The following PLXND1 variants were observed in gnomAD, a reference collection of about 807,000 sequenced individuals.
PLXND1 encodes plexin D1.
PLXND1 carries 54 observed loss-of-function variants against 197.7 expected under a neutral mutation model. The observed-to-expected ratio is 0.27, with a 90% CI of 0.22 to 0.34. The LOEUF (loss-of-function observed/expected upper bound fraction) is 0.34. PLXND1 is among the 10% of genes least tolerant of loss of function. The pLI is 1.00. For synonymous variants in PLXND1, 1,180 were observed against 1,161.2 expected (o/e 1.02, Z -0.33); for missense variants, 2,127 against 2,699.2 (o/e 0.79, Z 4.70).
rs1311044465 is a variant in PLXND1 at position 129,571,322 on chromosome 3, G to A, written c.3337-19C>T. The stretch of plus-strand genomic sequence containing the variant: ...TGCAGAGCTGGTGCAGGAGAGCCAG[G>A]GGCCCAGGCCGGGATGCAGGATGGA... On this transcript the variant is annotated intron_variant, in intron 17 of 35. Coordinates refer to ENST00000324093, the MANE Select transcript of PLXND1 (RefSeq NM_015103.3). 6.2e-7 allele frequency: 1 copy of A among 1,606,390 alleles called. No individual in the cohort carries two copies. Among genetic ancestry groups the A allele is most frequent in the Non-Finnish European group, 8.5e-7 (1 of 1,176,312 alleles).
chr3:129,606,165 C>T lies in PLXND1; in HGVS notation c.475G>A (p.Val159Met). 1 of 1,533,778 alleles carries T rather than the reference C, an allele frequency of 6.5e-7. No homozygotes were observed. Among genetic ancestry groups the T allele is most frequent in the Non-Finnish European group, 8.7e-7 (1 of 1,146,996 alleles). The change falls in exon 1 of 36, where the codon GTG (valine) becomes ATG (methionine). Residue 159 changes from valine to methionine, a missense_variant. Physicochemically the swap from Val to Met is conservative, Grantham distance 21. Transcript: ENST00000324093. The stretch of plus-strand genomic sequence containing the variant: ...GCGGCGGGCGGGAAGCGCACGGCCA[C>T]GGCCGAGATGTTGCCCCGGCGCCGC... ...QLRRRGNISAVAVRFPPAAPP... is the reference protein window; with the variant it reads ...QLRRRGNISAMAVRFPPAAPP...
At chr3:129,566,483 T>A in intron 23 of PLXND1, 44 bp downstream of exon 23, 1 of 1,159,560 alleles carries the variant, frequency 8.6e-7, no homozygotes, top group Non-Finnish European at 1.3e-6. Flanking sequence ...GGGAGCAGGG[T>A]TGCCCTGAAG....
At chr3:129,596,776 G>A (rs890417559) in intron 1 of PLXND1, among the ~76,000 whole-genome samples, 6 of 152,210 alleles carry the variant, frequency 3.9e-5, no homozygotes, top group African/African-American at 1.4e-4. Context: ...ATGCCTGGCC[G>A]CAGGCTGTGC....
chr3:129,573,171 C>T (rs567868832), intron 13 of PLXND1, among the ~76,000 whole-genome samples: 8 of 152,314 alleles, frequency 5.3e-5, no homozygotes, highest in Admixed American at 2.0e-4. Context: ...CTCTTCCACA[C>T]GCCTGATGCA....
At chr3:129,591,026 G>T (rs1403568157) in intron 1 of PLXND1, among the ~76,000 whole-genome samples, 1 of 152,148 alleles carries the variant, frequency 6.6e-6, no homozygotes, top group African/African-American at 2.4e-5. Flanking sequence ...CACAGGCTCA[G>T]CTAGTTTTCA....
At chr3:129,587,574 T>C (rs1179214040) in intron 2 of PLXND1, among the ~76,000 whole-genome samples, 1 of 152,186 alleles carries the variant, frequency 6.6e-6, no homozygotes, top group Admixed American at 6.5e-5. Context: ...CATTTTGAGA[T>C]GGGGCCAGTG....
At chr3:129,564,932 C>T (rs1301552380) in intron 25 of PLXND1, among the ~76,000 whole-genome samples, 2 of 152,254 alleles carry the variant, frequency 1.3e-5, no homozygotes, top group African/African-American at 4.8e-5. Flanking sequence ...GTGAGCTGAG[C>T]TCTGCTGCGA....
chr3:129,561,478 C>T (rs927990025), intron 29 of PLXND1, among the ~76,000 whole-genome samples, 168 bp downstream of exon 29: 1 of 152,184 alleles, frequency 6.6e-6, no homozygotes, highest in African/African-American at 2.4e-5. Flanking sequence ...TGGGCCCTGC[C>T]CCAGCAGTAC....
In PLXND1 at chr3:129,557,192, T is replaced by C. The variant is rs750575164; in HGVS notation, c.5477A>G (p.Lys1826Arg). ...GATCTTCCGGTACTCAGGAATCTCC[T>C]TGGCGTAGAGGAGCTTGTTGGTTGG... ...DSPTNKLLYA[K>R]EIPEYRKIVQ... The change falls in exon 34 of 36, where the codon AAG (lysine) becomes AGG (arginine). Residue 1826 changes from lysine to arginine, a missense_variant. Physicochemically the swap from Lys to Arg is conservative, Grantham distance 26 (BLOSUM62 2). Coordinates refer to ENST00000324093, the MANE Select transcript of PLXND1 (RefSeq NM_015103.3). The surrounding 1 kb of genome is among the most constrained non-coding windows in gnomAD (Gnocchi z 4.8). 5.0e-6 allele frequency: 8 copies of C among 1,614,026 alleles called. No individual in the cohort carries two copies. The highest frequency in any genetic ancestry group is 4.5e-5 in the East Asian group (2 of 44,896).
At chr3:129,603,734 G>A (rs2085743986) in intron 1 of PLXND1, among the ~76,000 whole-genome samples, 1 of 152,206 alleles carries the variant, frequency 6.6e-6, no homozygotes, top group South Asian at 2.1e-4. Flanking sequence ...CAAAGCCCCA[G>A]TGTTGGGCCC....
rs114360950 is a variant in PLXND1, at chr3:129,585,188, A to G, written c.1852-626T>C. Among the ~76,000 whole-genome samples the G allele has an allele frequency of 3.2e-3, 481 of 152,334 alleles. 5 individuals carry two copies. Among genetic ancestry groups the G allele is most frequent in the African/African-American group, 0.011 (444 of 41,568 alleles). The stretch of plus-strand genomic sequence containing the variant: ...AATGAAATGACTGAATGAATGAGGG[A>G]AGGACTCTGTGATGTGTGATAACGG... On this transcript the variant is annotated intron_variant, in intron 5 of 35. Coordinates refer to ENST00000324093, the MANE Select transcript of PLXND1 (RefSeq NM_015103.3).
At chr3:129,583,820 G>A in intron 7 of PLXND1, 151 bp from the exon 8 acceptor site, 2 of 625,036 alleles carry the variant, frequency 3.2e-6, no homozygotes, top group Admixed American at 5.6e-5. Flanking sequence ...CTTTAAGGTA[G>A]TGAGCTGCCT....
chr3:129,562,004 A>G, intron 27 of PLXND1, 101 bp from the exon 28 acceptor site: 3 of 764,588 alleles, frequency 3.9e-6, no homozygotes, highest in South Asian at 3.0e-5. Context: ...CGCTCTCTCC[A>G]TGTAAACTGA....
chr3:129,605,320 C>T lies in PLXND1; in HGVS notation c.1311+9G>A, dbSNP rs1398836483. On this transcript the variant is annotated intron_variant, in intron 1 of 35. Coordinates refer to ENST00000324093, the MANE Select transcript of PLXND1 (RefSeq NM_015103.3). ...CGCCGCCGCCGCCGCCGCCACCGCC[C>T]GGGTGTACCTGGATGTTGAGCTTGC... 6.1e-6 allele frequency: 8 copies of T among 1,302,472 alleles called. No individual in the cohort carries two copies. The highest frequency in any genetic ancestry group is 1.5e-5 in the African/African-American group (1 of 64,522). The allele number at this position is 1,302,472 out of a possible 1,614,324, so 80.7% of individuals were successfully genotyped here.
At chr3:129,570,635 C>T in intron 19 of PLXND1, 151 bp downstream of exon 19, 1 of 755,654 alleles carries the variant, frequency 1.3e-6, no homozygotes, top group Non-Finnish European at 2.2e-6. Context: ...CCTCATATGT[C>T]AAGTGGGGAT....
intron 13 of PLXND1, among the ~76,000 whole-genome samples, chr3:129,573,185 C>T (rs941046452): frequency 6.6e-6 from 1 of 152,166 alleles, no homozygotes. Flanking sequence ...TGATGCACGG[C>T]CTCCCAAAAG....
chr3:129,578,050 T>C (rs977838844), intron 9 of PLXND1, among the ~76,000 whole-genome samples: 1 of 152,170 alleles, frequency 6.6e-6, no homozygotes, highest in South Asian at 2.1e-4. Context: ...CAGGAGAGCC[T>C]GGGGGCACTG....
intron 25 of PLXND1, 102 bp from the exon 26 acceptor site, chr3:129,563,342 A>AGGAGACTGTTGGAGG: frequency 2.1e-6 from 2 of 965,896 alleles, no homozygotes; most frequent in Non-Finnish European, 3.0e-6. Context: ...CCCCTCCAAC[A>AGGAGACTGTTGGAGG]GTCTCCTTTT....
chr3:129,595,259 T>C (rs1249722201), intron 1 of PLXND1, among the ~76,000 whole-genome samples: 1 of 152,194 alleles, frequency 6.6e-6, no homozygotes, highest in Admixed American at 6.5e-5. Flanking sequence ...CAGAACACTG[T>C]GCAAGCTGAC....
Sources: allele counts gnomAD v4.1 joint callset (sites outside exome capture counted in the v4.1 genomes callset), GRCh38; gene constraint gnomAD v4.1.1; non-coding constraint Gnocchi (gnomAD v3.1); transcripts MANE v1.5; gene names NCBI Gene and HGNC (gene_info 2026-07-23, HGNC 2026-07-21).